Variants in BTBD7 observed in about 807,000 individuals in gnomAD.
The protein encoded by BTBD7 is BTB/POZ domain-containing protein 7.
BTBD7 carries 38 observed loss-of-function variants against 99.9 expected under a neutral mutation model. The observed-to-expected ratio is 0.38, with a 90% confidence interval of 0.29 to 0.50. BTBD7 has a LOEUF of 0.50. Ranked by LOEUF, BTBD7 falls within the 20% of genes least tolerant of loss-of-function variation. BTBD7 has a pLI of 0.93. For synonymous variants in BTBD7, 520 were observed against 511.4 expected (o/e 1.02, Z -0.23); for missense variants, 1,170 against 1,394.6 (o/e 0.84, Z 2.57).
intron 3 of BTBD7, among the ~76,000 whole-genome samples, chr14:93,282,569 G>C (rs1473796086): frequency 1.3e-5 from 2 of 152,248 alleles, no homozygotes; most frequent in South Asian, 2.1e-4. Context: ...CTGACTGCGT[G>C]ATCTGCCTGC....
At chr14:93,328,899 A>G (rs117973695) in intron 1 of BTBD7, among the ~76,000 whole-genome samples, 2 of 152,344 alleles carry the variant, frequency 1.3e-5, no homozygotes, top group African/African-American at 2.4e-5. Context: ...CCTTGGTGAC[A>G]GACCCAGAAC....
chr14:93,311,785 T>C (rs1595336624), intron 1 of BTBD7, among the ~76,000 whole-genome samples: 1 of 151,584 alleles, frequency 6.6e-6, no homozygotes, highest in African/African-American at 2.4e-5. Flanking sequence ...CTTTAGGATA[T>C]ACCCAACTTG....
chr14:93,300,704 T>TTG lies in BTBD7; in HGVS notation c.-106-4549_-106-4548dup, dbSNP rs57228905. Among the ~76,000 whole-genome samples, 550 of 87,066 alleles carry TTG rather than the reference T, an allele frequency of 6.3e-3. 11 individuals carry two copies. Among genetic ancestry groups the TTG allele is most frequent in the Non-Finnish European group, 8.5e-3 (388 of 45,608 alleles). 57.1% of individuals were successfully genotyped at this position (87,066 alleles called of 152,430 possible). On this transcript the variant is annotated intron_variant, in intron 1 of 10. Coordinates refer to ENST00000334746, the MANE Select transcript of BTBD7 (RefSeq NM_001002860.4). ...GCGTGTGCCATCATGCCCAGCTAATTTGTGTGTGTGTGTGTGTGTGTGTGT... is the reference window on the plus strand; with the variant it reads ...GCGTGTGCCATCATGCCCAGCTAATTTGTGTGTGTGTGTGTGTGTGTGTGTGT...
At position 93,240,247 on chromosome 14, in the gene BTBD7, G is replaced by A. The variant is rs2052209189; in HGVS notation, c.*2026C>T. The A allele has an allele frequency of 6.5e-6, 1 of 152,686 alleles. No individual in the cohort carries two copies. The highest frequency in any genetic ancestry group is 6.5e-5 in the Admixed American group (1 of 15,282). The allele number at this position is 152,686 out of a possible 1,614,324, so 9.5% of individuals were successfully genotyped here. ...ACCCGCACAGCAGCTAACCAGTCAG[G>A]CAGCAGAACGAGTGGCGGCAGTTTG... On this transcript the variant is annotated 3_prime_UTR_variant, in exon 11 of 11. Transcript: ENST00000334746.
intron 1 of BTBD7, among the ~76,000 whole-genome samples, chr14:93,317,851 G>C (rs1056030782): frequency 5.3e-5 from 8 of 152,222 alleles, no homozygotes; most frequent in African/African-American, 1.9e-4. Context: ...GTACAAGCTA[G>C]ACAGAGGGTG....
At chr14:93,277,336 T>C (rs1355410405) in intron 3 of BTBD7, among the ~76,000 whole-genome samples, 1 of 152,198 alleles carries the variant, frequency 6.6e-6, no homozygotes, top group Non-Finnish European at 1.5e-5. Flanking sequence ...AATAGCATAA[T>C]GAAGGGAAAG....
chr14:93,273,214 G>A (rs1160373020), intron 3 of BTBD7, among the ~76,000 whole-genome samples: 2 of 152,126 alleles, frequency 1.3e-5, no homozygotes, highest in Non-Finnish European at 2.9e-5. Flanking sequence ...AGGTACATGT[G>A]GAAGGTAAAG....
intron 1 of BTBD7, among the ~76,000 whole-genome samples, chr14:93,318,305 A>G (rs2053230092): frequency 1.3e-5 from 2 of 152,226 alleles, no homozygotes; most frequent in Non-Finnish European, 2.9e-5. Flanking sequence ...AGTAACCTTT[A>G]AAAGGAGGAA....
At chr14:93,244,222 G>A (rs2052273267) in intron 10 of BTBD7, 2 of 343,792 alleles carry the variant, frequency 5.8e-6, no homozygotes, top group African/African-American at 2.2e-5. Context: ...TGAGTGCGCT[G>A]AGCTCAACTG....
At chr14:93,260,799 C>T (rs986361327) in intron 5 of BTBD7, among the ~76,000 whole-genome samples, 16 of 152,006 alleles carry the variant, frequency 1.1e-4, no homozygotes, top group African/African-American at 3.4e-4. Context: ...GTGATCCGCC[C>T]GCCTCGGCCT....
intron 3 of BTBD7, among the ~76,000 whole-genome samples, chr14:93,278,985 C>T (rs754098390): frequency 6.6e-6 from 1 of 152,182 alleles, no homozygotes; most frequent in Non-Finnish European, 1.5e-5. Context: ...CAAATGAATA[C>T]ACAGAGCATA....
Position 93,303,421 on chromosome 14 carries a change from T to C in BTBD7, c.-106-7264A>G, listed in dbSNP as rs570677754. Among the ~76,000 whole-genome samples, 17 of 143,680 alleles carry C rather than the reference T, an allele frequency of 1.2e-4. 1 individual carries two copies. Among genetic ancestry groups the C allele is most frequent in the South Asian group, 4.4e-4 (2 of 4,546 alleles). 94.3% of individuals were successfully genotyped at this position (143,680 alleles called of 152,430 possible). A position where few individuals can be genotyped will look rare whatever the true frequency, so the allele number is the denominator to read the frequency against. ...GAGTTCGAGACCAGCCTGAACAACA[T>C]AGCAAGACCCCATCTCAGAAAAAAA... is the stretch of plus-strand genomic sequence containing the variant. On this transcript the variant is annotated intron_variant, in intron 1 of 10. Transcript: ENST00000334746.
intron 10 of BTBD7, among the ~76,000 whole-genome samples, chr14:93,244,565 C>T (rs1273758374): frequency 4.6e-5 from 7 of 152,144 alleles, no homozygotes; most frequent in Non-Finnish European, 8.8e-5. Flanking sequence ...AGGAGGATTG[C>T]TTGAACCCGG....
chr14:93,248,878 G>A (rs527766703), intron 8 of BTBD7, among the ~76,000 whole-genome samples: 10 of 152,238 alleles, frequency 6.6e-5, no homozygotes, highest in African/African-American at 2.2e-4. Context: ...TGAACAGCCC[G>A]AGTTGTATTA....
rs972548855 is a variant in BTBD7 at position 93,268,870 on chromosome 14, C to T, written c.1163-4877G>A. ...ACCTCCTGGGTTCAAGGGATTCTCC[C>T]GTCTCAGCCTCCTGAGTAGCTGGGA... On this transcript the variant is annotated intron_variant, in intron 3 of 10. Coordinates refer to ENST00000334746, the MANE Select transcript of BTBD7 (RefSeq NM_001002860.4). Among the ~76,000 whole-genome samples the T allele has an allele frequency of 3.3e-5, 5 of 151,724 alleles. No individual in the cohort carries two copies. In the South Asian group the frequency reaches 6.2e-4, roughly 19 times the overall value.
At position 93,247,288 on chromosome 14, in the gene BTBD7, A is replaced by G. The variant is rs560727612; in HGVS notation, c.2122-1002T>C. Among the ~76,000 whole-genome samples the G allele has an allele frequency of 2.7e-3, 406 of 152,160 alleles. 1 individual carries two copies. Among genetic ancestry groups the G allele is most frequent in the African/African-American group, 9.4e-3 (389 of 41,482 alleles). ...AGTGATTCACCTGCCTAGGCCTCCC[A>G]AAGTGCTGGGATTACAGCCATTGTG... On this transcript the variant is annotated intron_variant, in intron 9 of 10. Coordinates refer to ENST00000334746, the MANE Select transcript of BTBD7 (RefSeq NM_001002860.4).
At position 93,242,821 on chromosome 14, in the gene BTBD7, C is replaced by T. The variant is rs762097299; in HGVS notation, c.2851G>A (p.Ala951Thr). The T allele has an allele frequency of 6.2e-7, 1 of 1,614,142 alleles. No homozygotes were observed. Among genetic ancestry groups the T allele is most frequent in the Non-Finnish European group, 8.5e-7 (1 of 1,180,044 alleles). Residue 951 changes from alanine (A) to threonine (T), a missense_variant, in exon 11 of 11, where the codon GCT (alanine) becomes ACT (threonine). Around this residue, in one of 4 missense-constraint regions of BTBD7, gnomAD observed 495 missense variants for 525.9 expected, o/e 0.94. Transcript: ENST00000334746. ...GCAGGAGTAGAAGGTCTGCAAGCAG[C>T]ATTTGAGAAGTCATAGAAATCCGGA... The part of the protein sequence containing the change: ...EYPDFYDFSN[A>T]ACRPSTPALS...
intron 1 of BTBD7, among the ~76,000 whole-genome samples, chr14:93,301,470 G>GT (rs1208816874): frequency 6.6e-6 from 1 of 151,946 alleles, no homozygotes; most frequent in Non-Finnish European, 1.5e-5. Flanking sequence ...GATTACAGGC[G>GT]TGAGCCACCG....
At chr14:93,284,628 G>A (rs1212303568) in intron 3 of BTBD7, among the ~76,000 whole-genome samples, 4 of 152,124 alleles carry the variant, frequency 2.6e-5, no homozygotes, top group Non-Finnish European at 5.9e-5. Context: ...TACACTAGGT[G>A]ACAGAGGAAA....
Sources: gnomAD v4.1 joint callset for allele counts (sites outside exome capture counted in the v4.1 genomes callset) on GRCh38, gnomAD v4.1.1 for gene constraint, gnomAD v4.1.1 regional missense constraint, MANE v1.5 for transcripts, NCBI Gene and HGNC (gene_info 2026-07-23, HGNC 2026-07-21) for gene names.